Variants in CENPK observed in about 807,000 individuals in gnomAD.
The protein encoded by CENPK is SoxLZ/Sox6-binding protein Solt.
CENPK carries 46 observed loss-of-function variants against 40.9 expected under a neutral mutation model. That is an observed-to-expected ratio of 1.13 (90% CI 0.89 to 1.44). The LOEUF (loss-of-function observed/expected upper bound fraction) is 1.44. CENPK is among the 40% of genes most tolerant of loss of function. The pLI is 0.00. For missense variants in CENPK, 288 were observed against 303.5 expected (o/e 0.95, Z 0.38); for synonymous variants, 107 against 104.4 (o/e 1.02, Z -0.15).
intron 6 of CENPK, among the ~76,000 whole-genome samples, chr5:65,531,710 G>C (rs950937177): frequency 1.2e-4 from 19 of 152,108 alleles, no homozygotes; most frequent in African/African-American, 4.6e-4. Context: ...CACCATGTTG[G>C]CCAGGATGGT....
chr5:65,561,053 T>A (rs1051666276), intron 2 of CENPK: 7 of 152,128 alleles, frequency 4.6e-5, no homozygotes, highest in African/African-American at 1.7e-4. Flanking sequence ...GAAGATAATA[T>A]TAAATACTCC....
At chr5:65,516,385 A>G (rs1331066642), downstream of CENPK, among the ~76,000 whole-genome samples, 1 of 152,184 alleles carries the variant, frequency 6.6e-6, no homozygotes, top group Non-Finnish European at 1.5e-5. Context: ...TTAATCCAGC[A>G]TCTTGTACAA....
At chr5:65,553,982 T>C (rs1350859323) in intron 3 of CENPK, among the ~76,000 whole-genome samples, 1 of 152,186 alleles carries the variant, frequency 6.6e-6, no homozygotes, top group East Asian at 1.9e-4. Flanking sequence ...TCTCCAGTCT[T>C]ACCCCAGAAG....
intron 1 of CENPK, among the ~76,000 whole-genome samples, 166 bp from the exon 2 acceptor site, chr5:65,561,730 C>T (rs1234937900): frequency 6.6e-6 from 1 of 151,756 alleles, no homozygotes; most frequent in Non-Finnish European, 1.5e-5. Flanking sequence ...AATACTTAAT[C>T]ATTTATTGAA....
chr5:65,498,091 G>A, the CENPK span, among the ~76,000 whole-genome samples: 5 of 151,822 alleles, frequency 3.3e-5, no homozygotes, highest in African/African-American at 9.7e-5. Context: ...ATTTTCTGTT[G>A]GATTTTGCAT....
chr5:65,542,838 C>G lies in CENPK; in HGVS notation c.252G>C (p.Leu84Phe), dbSNP rs1483041739. Reference protein sequence around the residue: ...WQKKTPETIPLTEDVLITLGK... With the variant: ...WQKKTPETIPFTEDVLITLGK... ...CTAATGTTATGAGAACGTCTTCAGTCAAGGGAATTGCTACAAAAACAAAAC... is the reference window on the plus strand; with the variant it reads ...CTAATGTTATGAGAACGTCTTCAGTGAAGGGAATTGCTACAAAAACAAAAC... Residue 84 changes from leucine (L) to phenylalanine (F), a missense_variant, in exon 6 of 11, where the codon TTG (leucine) becomes TTC (phenylalanine). Leu to Phe is a conservative substitution (Grantham distance 22). Transcript: ENST00000396679. 1 of 1,610,142 alleles carries G rather than the reference C, an allele frequency of 6.2e-7. No homozygotes were observed. The highest frequency in any genetic ancestry group is 1.1e-5 in the South Asian group (1 of 90,056).
chr5:65,507,128 T>C, the CENPK span, among the ~76,000 whole-genome samples: 12 of 152,314 alleles, frequency 7.9e-5, no homozygotes, highest in Middle Eastern at 3.4e-3. Flanking sequence ...CATGCCAGAT[T>C]TGGCCATGGC....
intron 10 of CENPK, among the ~76,000 whole-genome samples, chr5:65,520,026 A>G (rs1040192690): frequency 6.6e-6 from 1 of 152,184 alleles, no homozygotes; most frequent in Non-Finnish European, 1.5e-5. Flanking sequence ...GATATAGTTT[A>G]GGTGTGTCCC....
Position 65,518,195 on chromosome 5 carries a change from AAAG to A in CENPK, c.*277_*279del, listed in dbSNP as rs1379062344. ...AATATCATAAATCAACAAAGAATCC[AAAG>A]AATATTGCATGAGGTAAGGTACATT... On this transcript the variant is annotated 3_prime_UTR_variant, in exon 11 of 11. Transcript: ENST00000396679. 4.6e-6 allele frequency: 1 copy of A among 217,570 alleles called. No individual in the cohort carries two copies. The highest frequency in any genetic ancestry group is 2.3e-5 in the African/African-American group (1 of 43,598). The allele number at this position is 217,570 out of a possible 1,614,324, so 13.5% of individuals were successfully genotyped here.
chr5:65,516,700 T>A (rs1346539847), downstream of CENPK, among the ~76,000 whole-genome samples: 2 of 150,116 alleles, frequency 1.3e-5, no homozygotes, highest in African/African-American at 2.4e-5. Context: ...CTCTACATGC[T>A]AAAAAAAAAG....
At chr5:65,520,602 T>G (rs1312825179) in intron 10 of CENPK, among the ~76,000 whole-genome samples, 1 of 152,198 alleles carries the variant, frequency 6.6e-6, no homozygotes, top group African/African-American at 2.4e-5. Context: ...AATATTCTAA[T>G]TACGAATCTA....
At chr5:65,533,426 A>C (rs1746265996) in intron 6 of CENPK, among the ~76,000 whole-genome samples, 1 of 151,954 alleles carries the variant, frequency 6.6e-6, no homozygotes, top group East Asian at 1.9e-4. Context: ...AATTTCCGCA[A>C]TCTGCTTAAA....
At chr5:65,502,094 G>A in the CENPK span, among the ~76,000 whole-genome samples, 1 of 152,194 alleles carries the variant, frequency 6.6e-6, no homozygotes, top group Non-Finnish European at 1.5e-5. Flanking sequence ...TGGAAGCTGA[G>A]GTCCACTACT....
intron 5 of CENPK, among the ~76,000 whole-genome samples, chr5:65,545,118 C>T (rs1748663142): frequency 1.3e-5 from 2 of 151,850 alleles, no homozygotes; most frequent in Non-Finnish European, 1.5e-5. Flanking sequence ...TATCGGAATT[C>T]CAGGAAAGGA....
chr5:65,531,261 T>C (rs1745759378), intron 6 of CENPK, among the ~76,000 whole-genome samples: 1 of 151,138 alleles, frequency 6.6e-6, no homozygotes, highest in East Asian at 1.9e-4. Context: ...AATTGAAAAA[T>C]AGAAAGGTAT....
chr5:65,523,282 G>T (rs960763003), intron 9 of CENPK, among the ~76,000 whole-genome samples: 1 of 152,126 alleles, frequency 6.6e-6, no homozygotes, highest in Non-Finnish European at 1.5e-5. Flanking sequence ...CAACAGGACA[G>T]ACTCTAAAGG....
chr5:65,509,444 C>A, the CENPK span, among the ~76,000 whole-genome samples: 1 of 152,162 alleles, frequency 6.6e-6, no homozygotes, highest in African/African-American at 2.4e-5. Flanking sequence ...CATTATGGTT[C>A]TTCCATGTCT....
chr5:65,513,537 TTCTC>T (rs930155759), downstream of CENPK, among the ~76,000 whole-genome samples: 5 of 152,118 alleles, frequency 3.3e-5, no homozygotes, highest in South Asian at 6.2e-4. Context: ...TCCTTCTTTC[TTCTC>T]TCTCTCTCTA....
At chr5:65,510,653 G>A in the CENPK span, among the ~76,000 whole-genome samples, 22 of 152,126 alleles carry the variant, frequency 1.4e-4, no homozygotes, top group African/African-American at 4.6e-4. Flanking sequence ...GTGCACGCCT[G>A]TAATCCCAGC....
Sources: allele counts gnomAD v4.1 joint callset (sites outside exome capture counted in the v4.1 genomes callset), GRCh38; gene constraint gnomAD v4.1.1; transcripts MANE v1.5; gene names NCBI Gene and HGNC (gene_info 2026-07-23, HGNC 2026-07-21).